Variants in FAF1 observed in about 807,000 individuals in gnomAD.
FAF1 encodes FAS-associated factor 1.
A neutral mutation model predicts 92.5 loss-of-function variants in FAF1; 25 were observed. The observed-to-expected ratio is 0.27, with a 90% CI of 0.20 to 0.38. The LOEUF (loss-of-function observed/expected upper bound fraction) is 0.38. Ranked by LOEUF, FAF1 falls within the 10% of genes least tolerant of loss-of-function variation. The pLI is 1.00. For synonymous variants in FAF1, 234 were observed against 273.2 expected (o/e 0.86, Z 1.42); for missense variants, 636 against 793.3 (o/e 0.80, Z 2.38).
intron 2 of FAF1, among the ~76,000 whole-genome samples, chr1:50,836,498 T>C (rs1464395903): frequency 1.3e-5 from 2 of 152,202 alleles, no homozygotes; most frequent in African/African-American, 4.8e-5. Flanking sequence ...ACTGTCCTAA[T>C]ATTACAGTTT....
At chr1:50,810,275 A>G (rs1209809189) in intron 2 of FAF1, among the ~76,000 whole-genome samples, 1 of 152,234 alleles carries the variant, frequency 6.6e-6, no homozygotes, top group East Asian at 1.9e-4. Flanking sequence ...AAAATTAAAA[A>G]AAATACACAA....
chr1:50,583,740 CA>C lies in FAF1; in HGVS notation c.968-26del. The C allele has an allele frequency of 1.3e-6, 2 of 1,513,202 alleles. No homozygotes were observed. Among genetic ancestry groups the C allele is most frequent in the Non-Finnish European group, 1.8e-6 (2 of 1,108,630 alleles). The allele number at this position is 1,513,202 out of a possible 1,614,324, so 93.7% of individuals were successfully genotyped here. A position where few individuals can be genotyped will look rare whatever the true frequency, so the allele number is the denominator to read the frequency against. On this transcript the variant is annotated intron_variant, in intron 10 of 18. Coordinates refer to ENST00000396153, the MANE Select transcript of FAF1 (RefSeq NM_007051.3). The surrounding 1 kb of genome is among the most constrained non-coding windows in gnomAD (Gnocchi z 4.2). Reference sequence around the variant, plus strand: ...ACTAAAAAACAAACAAAAGAAAAAACAAAAACAAAAAAACAAAACAAATAGA... The same window carrying C: ...ACTAAAAAACAAACAAAAGAAAAAACAAAACAAAAAAACAAAACAAATAGA...
chr1:50,790,862 T>G (rs138234050), intron 3 of FAF1, among the ~76,000 whole-genome samples: 2 of 152,158 alleles, frequency 1.3e-5, no homozygotes, highest in African/African-American at 4.8e-5. Flanking sequence ...ATAGATTACA[T>G]AGTCGACTTG....
intron 2 of FAF1, among the ~76,000 whole-genome samples, chr1:50,821,467 G>A (rs571863938): frequency 1.3e-5 from 2 of 152,200 alleles, no homozygotes; most frequent in Non-Finnish European, 2.9e-5. Flanking sequence ...TATTTCCCAT[G>A]GGCCCTTTAT....
At chr1:50,780,525 A>C (rs1661134709) in intron 4 of FAF1, 1 of 193,464 alleles carries the variant, frequency 5.2e-6, no homozygotes, top group Non-Finnish European at 1.1e-5. Flanking sequence ...TGGGTACGGA[A>C]ACCAATGATC....
chr1:50,883,597 T>A (rs74639705), intron 1 of FAF1, among the ~76,000 whole-genome samples: 3,061 of 152,188 alleles, frequency 0.02, 100 homozygotes, highest in African/African-American at 0.071. Context: ...CCTGGACCCC[T>A]CACAAGTTAA....
At chr1:50,924,432 G>C (rs1212451658) in intron 1 of FAF1, among the ~76,000 whole-genome samples, 1 of 151,810 alleles carries the variant, frequency 6.6e-6, no homozygotes, top group Non-Finnish European at 1.5e-5. Flanking sequence ...ACAAACAAAG[G>C]CATCCCATAC....
At chr1:50,638,516 C>T (rs1209184603) in intron 8 of FAF1, among the ~76,000 whole-genome samples, 1 of 150,396 alleles carries the variant, frequency 6.6e-6, no homozygotes, top group Admixed American at 6.6e-5. Flanking sequence ...GCAATCTCCG[C>T]TCACTGCAAC....
At chr1:50,886,308 T>A (rs1194178317) in intron 1 of FAF1, among the ~76,000 whole-genome samples, 3 of 152,182 alleles carry the variant, frequency 2.0e-5, no homozygotes, top group Admixed American at 6.5e-5. Context: ...TGGGAAAGTA[T>A]TTCTCCTCAT....
intron 8 of FAF1, among the ~76,000 whole-genome samples, chr1:50,644,983 G>T (rs557310266): frequency 6.6e-6 from 1 of 152,168 alleles, no homozygotes; most frequent in South Asian, 2.1e-4. Context: ...TCTCACTCTT[G>T]TTCAGAATAG....
intron 15 of FAF1, among the ~76,000 whole-genome samples, chr1:50,530,289 ATATATG>A (rs1040825287): frequency 2.8e-5 from 4 of 144,976 alleles, no homozygotes; most frequent in African/African-American, 1.0e-4. Flanking sequence ...GTATATATGT[ATATATG>A]TATGAGTGTG....
At chr1:50,782,122 G>A (rs1661200016) in intron 4 of FAF1, among the ~76,000 whole-genome samples, 1 of 152,016 alleles carries the variant, frequency 6.6e-6, no homozygotes, top group South Asian at 2.1e-4. Flanking sequence ...ATATGTTACT[G>A]GTTTATGTAT....
intron 2 of FAF1, among the ~76,000 whole-genome samples, chr1:50,806,285 TCAAA>T (rs1662195685): frequency 6.6e-6 from 1 of 152,096 alleles, no homozygotes; most frequent in African/African-American, 2.4e-5. Context: ...AAATTAGTCA[TCAAA>T]CAAATACAAG....
At chr1:50,759,506 A>G (rs1315606891) in intron 4 of FAF1, among the ~76,000 whole-genome samples, 2 of 151,980 alleles carry the variant, frequency 1.3e-5, no homozygotes, top group Non-Finnish European at 2.9e-5. Context: ...GCTGCATAGT[A>G]TTCCATGGTG....
intron 1 of FAF1, among the ~76,000 whole-genome samples, chr1:50,935,764 G>A (rs565694500): frequency 3.3e-5 from 5 of 152,278 alleles, no homozygotes; most frequent in Non-Finnish European, 5.9e-5. Flanking sequence ...GAGCTACTAC[G>A]TCCAGCCAGA....
At position 50,835,919 on chromosome 1, in the gene FAF1, T is replaced by C. The variant is rs192169432; in HGVS notation, c.114+22010A>G. 2.0e-5 allele frequency among the ~76,000 whole-genome samples: 3 copies of C among 152,166 alleles called. No individual in the cohort carries two copies. The East Asian group carries it at 5.8e-4, about 29-fold the overall frequency. On this transcript the variant is annotated intron_variant, in intron 2 of 18. Transcript: ENST00000396153. Reference sequence around the variant, plus strand: ...GGAACAATTTTGTGGTACACTGCATTTAAAATAATCTGTGGGACATCAAGG... The same window carrying C: ...GGAACAATTTTGTGGTACACTGCATCTAAAATAATCTGTGGGACATCAAGG...
chr1:50,867,728 G>T (rs1198078499), intron 1 of FAF1, among the ~76,000 whole-genome samples: 1 of 152,154 alleles, frequency 6.6e-6, no homozygotes, highest in Non-Finnish European at 1.5e-5. Flanking sequence ...TTACACTGCT[G>T]GTGGGAATGT....
intron 6 of FAF1, among the ~76,000 whole-genome samples, chr1:50,726,355 C>A (rs978804816): frequency 6.6e-6 from 1 of 152,106 alleles, no homozygotes; most frequent in Admixed American, 6.6e-5. Flanking sequence ...GGGACAACTA[C>A]AAACAATGGA....
intron 15 of FAF1, among the ~76,000 whole-genome samples, chr1:50,503,708 A>ATT (rs1647020901): frequency 6.6e-6 from 1 of 152,200 alleles, no homozygotes; most frequent in South Asian, 2.1e-4. Flanking sequence ...AGCAAGTAAA[A>ATT]GGAATGAATT....
Sources: allele counts gnomAD v4.1 joint callset (sites outside exome capture counted in the v4.1 genomes callset), GRCh38; gene constraint gnomAD v4.1.1; non-coding constraint Gnocchi (gnomAD v3.1); transcripts MANE v1.5; gene names NCBI Gene and HGNC (gene_info 2026-07-23, HGNC 2026-07-21).